The following MTRR variants were observed in gnomAD, a reference collection of about 807,000 sequenced individuals.
MTRR encodes the protein methionine synthase reductase.
A neutral mutation model predicts 79.2 loss-of-function variants in MTRR; 63 were observed. The observed-to-expected ratio is 0.80, with a 90% confidence interval of 0.65 to 0.98. The LOEUF is 0.98. Ranked by LOEUF, MTRR falls within the 50% of genes least tolerant of loss-of-function variation. The pLI is 0.00. For missense variants in MTRR, 895 were observed against 839.6 expected (o/e 1.07, Z -0.82); for synonymous variants, 355 against 313.3 (o/e 1.13, Z -1.41).
At position 7,889,209 on chromosome 5, in the gene MTRR, T is replaced by C; in HGVS notation, c.1261T>C (p.Cys421Arg). 6.2e-7 allele frequency: 1 copy of C among 1,613,810 alleles called. No individual in the cohort carries two copies. The highest frequency in any genetic ancestry group is 8.5e-7 in the Non-Finnish European group (1 of 1,180,034). The part of the protein sequence containing the change: ...ADYSRFVRDA[C>R]ACLLDLLLAF... ...TTATAGCCGCTTTGTACGAGATGCC[T>C]GTGCCTGCTTGTTGGATCTCCTCCT... is the stretch of plus-strand genomic sequence containing the variant. Residue 421 changes from cysteine to arginine, a missense_variant, in exon 9 of 15, where the codon TGT (cysteine) becomes CGT (arginine). By Grantham distance (180) the Cys-to-Arg change is radical (BLOSUM62 -3). Coordinates refer to ENST00000440940, the MANE Select transcript of MTRR (RefSeq NM_002454.3).
chr5:7,861,298 T>G (rs1212883524), intron 1 of MTRR: 26 of 1,227,282 alleles, frequency 2.1e-5, no homozygotes, highest in Non-Finnish European at 2.9e-5. Flanking sequence ...TACTTAATTT[T>G]TTAAATAATC....
chr5:7,875,070 A>T, intron 3 of MTRR, 188 bp from the exon 4 acceptor site: 1 of 598,226 alleles, frequency 1.7e-6, no homozygotes, highest in Non-Finnish European at 3.0e-6. Flanking sequence ...CTACTTTTAT[A>T]TTGTAAAATA....
intron 5 of MTRR, among the ~76,000 whole-genome samples, chr5:7,878,613 G>T (rs1184350020): frequency 6.6e-6 from 1 of 152,234 alleles, no homozygotes; most frequent in African/African-American, 2.4e-5. Context: ...TCCCACCCAG[G>T]TATTACAAAA....
At position 7,895,750 on chromosome 5, in the gene MTRR, G is replaced by C. The variant is rs1343250131; in HGVS notation, c.1574G>C (p.Arg525Pro). 1.2e-6 allele frequency: 2 copies of C among 1,613,702 alleles called. No homozygotes were observed. The highest frequency in any genetic ancestry group is 1.7e-6 in the Non-Finnish European group (2 of 1,179,900). ...ATATTTCAGATATCCATCTCTCCTC[G>C]AACAACAAATTCTTTCCACTTACCA... ...ALAPKISISPRTTNSFHLPDD... is the reference protein window; with the variant it reads ...ALAPKISISPPTTNSFHLPDD... Residue 525 changes from arginine (R) to proline (P), a missense_variant, in exon 12 of 15, where the codon CGA becomes CCA. Physicochemically the swap from Arg to Pro is moderately radical, Grantham distance 103 (BLOSUM62 -2). Coordinates refer to ENST00000440940, the MANE Select transcript of MTRR (RefSeq NM_002454.3).
In MTRR at chr5:7,891,391, AC is replaced by A; in HGVS notation, c.1350del (p.Arg451AspfsTer91). ...LLLEHLPKLQ[P>X]RPYSCASSSL... Reference sequence around the variant, plus strand: ...TTCTAGAACATCTTCCTAAACTTCAACCCAGACCATATTCGTGTGCAAGGTA... The same window carrying A: ...TTCTAGAACATCTTCCTAAACTTCAACCAGACCATATTCGTGTGCAAGGTA... On this transcript the variant is annotated frameshift_variant, in exon 10 of 15. Transcript: ENST00000440940. LOFTEE classifies it high-confidence loss of function. The A allele has an allele frequency of 6.2e-7, 1 of 1,609,900 alleles. No homozygotes were observed.
At chr5:7,883,363 G>A in intron 6 of MTRR, 86 bp downstream of exon 6, 1 of 1,564,520 alleles carries the variant, frequency 6.4e-7, no homozygotes, top group Admixed American at 1.7e-5. Flanking sequence ...TATATGCTGA[G>A]TGGTGTGCTG....
intron 1 of MTRR, among the ~76,000 whole-genome samples, chr5:7,852,616 C>T (rs1174740077): frequency 6.6e-6 from 1 of 152,090 alleles, no homozygotes; most frequent in East Asian, 1.9e-4. Context: ...GATGGAGCAC[C>T]ATCTCTCCTA....
upstream of MTRR, chr5:7,866,576 ATG>A (rs963930120): frequency 8.6e-7 from 1 of 1,163,740 alleles, no homozygotes; most frequent in Non-Finnish European, 1.2e-6. Context: ...TTGCCTTTAT[ATG>A]TGACTTGAAA....
intron 1 of MTRR, chr5:7,859,243 TATTAA>T (rs770372221): frequency 1.1e-5 from 4 of 372,028 alleles, no homozygotes; most frequent in Non-Finnish European, 1.4e-5. Context: ...ATGACACTAG[TATTAA>T]ATTAAAATTA....
chr5:7,889,371 A>T, intron 9 of MTRR, 96 bp downstream of exon 9: 1 of 1,324,356 alleles, frequency 7.6e-7, no homozygotes, highest in Non-Finnish European at 1.1e-6. Context: ...CTCTTGTCTT[A>T]CCCTTTGTAT....
At chr5:7,899,664 T>C (rs1193787275) in intron 14 of MTRR, among the ~76,000 whole-genome samples, 1 of 152,088 alleles carries the variant, frequency 6.6e-6, no homozygotes, top group Admixed American at 6.5e-5. Flanking sequence ...TGGCCTACTG[T>C]CGGGACCTGG....
At chr5:7,880,614 T>C (rs1007617522) in intron 5 of MTRR, among the ~76,000 whole-genome samples, 7 of 152,228 alleles carry the variant, frequency 4.6e-5, no homozygotes, top group African/African-American at 1.7e-4. Context: ...ATGTCATTTC[T>C]CTCAGGATGC....
chr5:7,873,615 A>C, intron 3 of MTRR, 89 bp downstream of exon 3: 1 of 1,475,044 alleles, frequency 6.8e-7, no homozygotes, highest in Non-Finnish European at 9.5e-7. Flanking sequence ...AAGTGTGATC[A>C]TATAGGTTTT....
chr5:7,859,843 T>C (rs1746402756), intron 1 of MTRR, among the ~76,000 whole-genome samples: 1 of 152,146 alleles, frequency 6.6e-6, no homozygotes, highest in Non-Finnish European at 1.5e-5. Context: ...ACACAATAAA[T>C]ATAAAAAACA....
chr5:7,888,531 C>T (rs986503896), intron 8 of MTRR, among the ~76,000 whole-genome samples: 2 of 152,156 alleles, frequency 1.3e-5, no homozygotes, highest in Admixed American at 6.5e-5. Context: ...TGGAGGAACA[C>T]GTGTAATTTG....
intron 2 of MTRR, chr5:7,862,757 C>A: frequency 7.4e-7 from 1 of 1,349,844 alleles, no homozygotes; most frequent in Non-Finnish European, 1.0e-6. Context: ...CTTCTAAGTC[C>A]CATATATCTC....
rs886060807 is a variant in MTRR, at chr5:7,889,196, T to A, written c.1248T>A (p.Phe416Leu). 5 of 1,613,856 alleles carry A rather than the reference T, an allele frequency of 3.1e-6. No homozygotes were observed. The highest frequency in any genetic ancestry group is 4.2e-6 in the Non-Finnish European group (5 of 1,180,038). ...SKQGAADYSRFVRDACACLLD... is the reference protein window; with the variant it reads ...SKQGAADYSRLVRDACACLLD... Reference sequence around the variant, plus strand: ...AAGGGGCAGCCGATTATAGCCGCTTTGTACGAGATGCCTGTGCCTGCTTGT... The same window carrying A: ...AAGGGGCAGCCGATTATAGCCGCTTAGTACGAGATGCCTGTGCCTGCTTGT... The change falls in exon 9 of 15, where the codon TTT becomes TTA. Residue 416 changes from phenylalanine (F) to leucine (L), a missense_variant. Coordinates refer to ENST00000440940, the MANE Select transcript of MTRR (RefSeq NM_002454.3).
chr5:7,852,545 AG>A (rs758945313), intron 1 of MTRR, among the ~76,000 whole-genome samples: 1 of 152,076 alleles, frequency 6.6e-6, no homozygotes, highest in Non-Finnish European at 1.5e-5. Context: ...TCTAAGCCCC[AG>A]GGGACCTAGC....
chr5:7,855,430 A>AC (rs1746212525), intron 1 of MTRR, among the ~76,000 whole-genome samples: 1 of 151,446 alleles, frequency 6.6e-6, no homozygotes. Context: ...GAAAAAAAAA[A>AC]AAGAAAAAGT....
Sources: gnomAD v4.1 joint callset for allele counts (sites outside exome capture counted in the v4.1 genomes callset) on GRCh38, gnomAD v4.1.1 for gene constraint, MANE v1.5 for transcripts, NCBI Gene and HGNC (gene_info 2026-07-23, HGNC 2026-07-21) for gene names.